The following ERI1 variants were observed in gnomAD, a reference collection of about 807,000 sequenced individuals.
ERI1 encodes 3'-5' exoribonuclease 1.
In ERI1, 39 loss-of-function variants were observed where a neutral mutation model predicts 39.7. The ratio of observed to expected loss-of-function variants is 0.98; its 90% CI spans 0.76 to 1.28. ERI1 has a LOEUF of 1.28. Ranked by LOEUF, ERI1 falls within the 50% of genes most tolerant of loss-of-function variation. ERI1 has a pLI of 0.00. For missense variants in ERI1, 581 were observed against 416.9 expected, an observed-to-expected ratio of 1.39 and a Z score of -3.43; for synonymous variants, 204 against 149.6, an observed-to-expected ratio of 1.36 and a Z score of -2.65.
chr8:9,040,029 A>G (rs1797966045), intron 3 of ERI1, among the ~76,000 whole-genome samples: 1 of 152,206 alleles, frequency 6.6e-6, no homozygotes, highest in Admixed American at 6.5e-5. Flanking sequence ...TGACTGTCCA[A>G]GGGTATTTTT....
chr8:9,004,525 C>A (rs1222617651), intron 1 of ERI1, among the ~76,000 whole-genome samples: 5 of 118,614 alleles, frequency 4.2e-5, no homozygotes, highest in Admixed American at 2.2e-4. Context: ...AAAAGCCGGT[C>A]GTAGTTGCCC....
At chr8:9,082,190 AG>A (rs1249773413) in intron 3 of ERI1, among the ~76,000 whole-genome samples, 1 of 152,238 alleles carries the variant, frequency 6.6e-6, no homozygotes, top group East Asian at 1.9e-4. Context: ...TTAGAGGGGA[AG>A]GAGAATGGAG....
intron 3 of ERI1, among the ~76,000 whole-genome samples, chr8:9,085,456 C>T (rs1283676808): frequency 2.6e-5 from 4 of 152,080 alleles, no homozygotes; most frequent in Admixed American, 2.6e-4. Flanking sequence ...TAATCACCTG[C>T]CTCAGCCTCC....
chr8:9,030,213 T>A lies in ERI1; in HGVS notation c.*179T>A, dbSNP rs1797490121. On this transcript the variant is annotated 3_prime_UTR_variant, in exon 7 of 7. Coordinates refer to ENST00000250263, the MANE Select transcript of ERI1 (RefSeq NM_153332.4). Reference sequence around the variant, plus strand: ...AGATTTTGTAGGAAGGCATACTGAATTCTTTGTCACCAGCACTTTTGATAT... The same window carrying A: ...AGATTTTGTAGGAAGGCATACTGAAATCTTTGTCACCAGCACTTTTGATAT... 9 of 776,018 alleles carry A rather than the reference T, an allele frequency of 1.2e-5. No homozygotes were observed. In the South Asian group the frequency reaches 1.8e-4, roughly 15 times the overall value. 48.1% of individuals were successfully genotyped at this position (776,018 alleles called of 1,614,324 possible). A position where few individuals can be genotyped will look rare whatever the true frequency, so the allele number is the denominator to read the frequency against.
In ERI1 at chr8:9,057,362, G is replaced by T. The variant is rs138772715; in HGVS notation, n.299+36898G>T. ...TTTCAGGTGCTTTGCCCAACTCTGGGCTGTGCTGCCTCACACAACTTGTAA... is the reference window on the plus strand; with the variant it reads ...TTTCAGGTGCTTTGCCCAACTCTGGTCTGTGCTGCCTCACACAACTTGTAA... On this transcript the variant is annotated intron_variant and non_coding_transcript_variant, in intron 3 of 3. Transcript: ENST00000518663. Among the ~76,000 whole-genome samples the T allele has an allele frequency of 2.1e-3, 322 of 152,244 alleles. 3 individuals carry two copies. The highest frequency in any genetic ancestry group is 3.7e-3 in the Admixed American group (56 of 15,286).
chr8:9,083,517 T>G (rs910900370), intron 3 of ERI1, among the ~76,000 whole-genome samples: 1 of 152,282 alleles, frequency 6.6e-6, no homozygotes, highest in African/African-American at 2.4e-5. Context: ...ATGAACCACC[T>G]TGTACTCAGT....
intron 3 of ERI1, among the ~76,000 whole-genome samples, chr8:9,055,596 G>A (rs1396848097): frequency 6.6e-6 from 1 of 152,178 alleles, no homozygotes; most frequent in East Asian, 1.9e-4. Flanking sequence ...CTGGAGTGCA[G>A]TGGTGCGATC....
intron 3 of ERI1, among the ~76,000 whole-genome samples, chr8:9,068,694 G>A (rs951352091): frequency 1.3e-5 from 2 of 152,116 alleles, no homozygotes; most frequent in Non-Finnish European, 2.9e-5. Context: ...GTGTACATAT[G>A]TATTGTCTTA....
chr8:9,004,693 T>TG (rs1250534097), intron 1 of ERI1, among the ~76,000 whole-genome samples: 1 of 150,402 alleles, frequency 6.6e-6, no homozygotes, highest in African/African-American at 2.4e-5. Context: ...ACTTTTTTTT[T>TG]TTTTTTTTTG....
chr8:9,026,541 GT>G (rs981835837), intron 6 of ERI1, among the ~76,000 whole-genome samples: 1 of 152,008 alleles, frequency 6.6e-6, no homozygotes, highest in African/African-American at 2.4e-5. Flanking sequence ...GTTCATCCAT[GT>G]TGTATCATGT....
downstream of ERI1, among the ~76,000 whole-genome samples, chr8:9,036,166 A>G (rs1797839446): frequency 6.6e-6 from 1 of 152,252 alleles, no homozygotes; most frequent in African/African-American, 2.4e-5. Flanking sequence ...AATATTACAT[A>G]AGCTTAATTG....
chr8:9,025,464 T>G (rs1427405633), intron 6 of ERI1, among the ~76,000 whole-genome samples: 1 of 152,258 alleles, frequency 6.6e-6, no homozygotes, highest in East Asian at 1.9e-4. Flanking sequence ...TTGCAGCGCT[T>G]CTTCCAACTG....
At chr8:9,025,163 CAT>C (rs1818336506) in intron 6 of ERI1, among the ~76,000 whole-genome samples, 1 of 152,186 alleles carries the variant, frequency 6.6e-6, no homozygotes, top group Non-Finnish European at 1.5e-5. Context: ...CTTACCTAAT[CAT>C]ATGCTGGTGT....
At chr8:9,015,742 G>A (rs199727035) in intron 3 of ERI1, among the ~76,000 whole-genome samples, 18,616 of 102,064 alleles carry the variant, frequency 0.18, 1,548 homozygotes, top group African/African-American at 0.25. Flanking sequence ...AAAAAAAAAA[G>A]AGACCATCGT....
intron 6 of ERI1, among the ~76,000 whole-genome samples, chr8:9,025,357 A>G (rs769349641): frequency 2.0e-5 from 3 of 152,218 alleles, no homozygotes; most frequent in Non-Finnish European, 2.9e-5. Flanking sequence ...GAAATGCAAG[A>G]ATCTTGTCAC....
chr8:9,064,616 T>C (rs947638975), intron 3 of ERI1, among the ~76,000 whole-genome samples: 1 of 151,984 alleles, frequency 6.6e-6, no homozygotes, highest in African/African-American at 2.4e-5. Context: ...TGAGAGAGGT[T>C]GGAGAAGAGA....
At chr8:9,017,290 G>C (rs1482194116) in intron 4 of ERI1, among the ~76,000 whole-genome samples, 1 of 151,832 alleles carries the variant, frequency 6.6e-6, no homozygotes, top group Non-Finnish European at 1.5e-5. Context: ...AGCCCTCCTC[G>C]GTCCCAAAAA....
downstream of ERI1, among the ~76,000 whole-genome samples, chr8:9,037,731 C>G (rs1376008965): frequency 6.6e-6 from 1 of 151,980 alleles, no homozygotes; most frequent in African/African-American, 2.4e-5. Flanking sequence ...GGAGCTATCC[C>G]CTTTCCTTTT....
chr8:9,005,299 A>G (rs942065743), intron 1 of ERI1, among the ~76,000 whole-genome samples: 10 of 152,122 alleles, frequency 6.6e-5, no homozygotes, highest in African/African-American at 2.4e-4. Context: ...CTCTATACAG[A>G]AAAAGTTTTA....
Sources: allele counts gnomAD v4.1 joint callset (sites outside exome capture counted in the v4.1 genomes callset), GRCh38; gene constraint gnomAD v4.1.1; transcripts MANE v1.5; gene names NCBI Gene and HGNC (gene_info 2026-07-23, HGNC 2026-07-21).